The following FARP1 variants were observed in gnomAD, a reference collection of about 807,000 sequenced individuals.
FARP1 encodes FERM, ARH/RhoGEF and pleckstrin domain protein 1.
FARP1 carries 52 observed loss-of-function variants against 128.8 expected under a neutral mutation model. The ratio of observed to expected loss-of-function variants is 0.40; its 90% CI spans 0.32 to 0.51. The LOEUF (loss-of-function observed/expected upper bound fraction) is 0.51, where lower values mean the gene tolerates loss of function less well. FARP1 is among the 20% of genes least tolerant of loss of function. The pLI is 0.45. For missense variants in FARP1, 1,333 were observed against 1,367.9 expected (o/e 0.97, Z 0.40); for synonymous variants, 580 against 551.8 (o/e 1.05, Z -0.72).
intron 25 of FARP1, 56 bp from the exon 26 acceptor site, chr13:98,446,610 G>A (rs373700027): frequency 2.5e-5 from 39 of 1,584,074 alleles, no homozygotes; most frequent in Non-Finnish European, 3.4e-5. Flanking sequence ...CAGCAGCCAG[G>A]CCCAGCAGCA....
rs375110391 is a variant in FARP1, at chr13:98,233,727, A to G, written c.171+20314A>G. The G allele has an allele frequency of 7.9e-5, 12 of 152,286 alleles. No individual in the cohort carries two copies. The East Asian group carries it at 9.7e-4, about 12-fold the overall frequency. 9.4% of individuals were successfully genotyped at this position (152,286 alleles called of 1,614,324 possible). A position where few individuals can be genotyped will look rare whatever the true frequency, so the allele number is the denominator to read the frequency against. ...CTAAGGAGCATTTTCACTTCCTTTC[A>G]AACTTAAAAAATTGTGGTCCAAGGA... On this transcript the variant is annotated intron_variant, in intron 2 of 26. Transcript: ENST00000319562.
At chr13:98,286,161 G>A (rs1412709823) in intron 2 of FARP1, among the ~76,000 whole-genome samples, 1 of 151,994 alleles carries the variant, frequency 6.6e-6, no homozygotes, top group African/African-American at 2.4e-5. Context: ...GGTTTCTCCT[G>A]CCCACTCGTC....
chr13:98,203,024 T>C (rs1451238662), intron 1 of FARP1, among the ~76,000 whole-genome samples: 1 of 152,184 alleles, frequency 6.6e-6, no homozygotes, highest in African/African-American at 2.4e-5. Context: ...CTGGCCCAAA[T>C]TACTTCTTAA....
At chr13:98,290,127 A>G (rs1246156869) in intron 2 of FARP1, among the ~76,000 whole-genome samples, 1 of 150,208 alleles carries the variant, frequency 6.7e-6, no homozygotes, top group Non-Finnish European at 1.5e-5. Flanking sequence ...CGTCATCCCC[A>G]AGCCTTACTT....
At chr13:98,365,481 CCAGA>C (rs780852150) in intron 4 of FARP1, 44 bp downstream of exon 4, 68 of 1,411,528 alleles carry the variant, frequency 4.8e-5, no homozygotes, top group Non-Finnish European at 6.3e-5. Flanking sequence ...AAATCTGAAG[CCAGA>C]CAGTTTCATG....
intron 1 of FARP1, among the ~76,000 whole-genome samples, chr13:98,172,374 CACTGA>C (rs1450651724): frequency 6.6e-6 from 1 of 151,876 alleles, no homozygotes; most frequent in Non-Finnish European, 1.5e-5. Context: ...CCGGCAGTGC[CACTGA>C]GCAGTTATGT....
rs544897673 is a variant in FARP1, at chr13:98,430,649, T to C, written c.1906-394T>C. 3.3e-5 allele frequency among the ~76,000 whole-genome samples: 5 copies of C among 152,360 alleles called. No individual in the cohort carries two copies. The South Asian group carries it at 1.0e-3, about 32-fold the overall frequency. Reference sequence around the variant, plus strand: ...GGTTTTAAAACGATGTAATGCTCACTGACGGCCCCTGGGCTGTTTGTTATC... The same window carrying C: ...GGTTTTAAAACGATGTAATGCTCACCGACGGCCCCTGGGCTGTTTGTTATC... On this transcript the variant is annotated intron_variant, in intron 17 of 26. Coordinates refer to ENST00000319562, the MANE Select transcript of FARP1 (RefSeq NM_005766.4).
At chr13:98,284,542 A>G (rs1481323698) in intron 2 of FARP1, among the ~76,000 whole-genome samples, 1 of 152,222 alleles carries the variant, frequency 6.6e-6, no homozygotes, top group East Asian at 1.9e-4. Context: ...TATTTGGGAA[A>G]AAAAATAGCA....
chr13:98,148,212 C>A (rs1875718258), intron 1 of FARP1, among the ~76,000 whole-genome samples: 1 of 152,156 alleles, frequency 6.6e-6, no homozygotes. Context: ...AACCCCGTCT[C>A]TACTAAAAAT....
chr13:98,338,563 C>T, intron 2 of FARP1: 1 of 152,196 alleles, frequency 6.6e-6, no homozygotes. Flanking sequence ...TCCATTCATT[C>T]AGCAGTGGAC....
chr13:98,360,924 C>T (rs1455394871), intron 3 of FARP1, among the ~76,000 whole-genome samples: 4 of 152,020 alleles, frequency 2.6e-5, no homozygotes, highest in African/African-American at 9.7e-5. Flanking sequence ...CAAATGTGAC[C>T]CTCTAGAGAA....
At chr13:98,360,883 G>T (rs1163154140) in intron 3 of FARP1, among the ~76,000 whole-genome samples, 4 of 152,156 alleles carry the variant, frequency 2.6e-5, no homozygotes, top group Admixed American at 1.3e-4. Flanking sequence ...TTGGTTGAAG[G>T]GGTAGGAGTT....
At chr13:98,364,736 C>CT (rs1250370274) in intron 3 of FARP1, among the ~76,000 whole-genome samples, 3 of 152,296 alleles carry the variant, frequency 2.0e-5, no homozygotes, top group East Asian at 3.9e-4. Context: ...GAAAAGTTCG[C>CT]TATCCAGACT....
At chr13:98,356,742 G>A in intron 3 of FARP1, among the ~76,000 whole-genome samples, 1 of 151,908 alleles carries the variant, frequency 6.6e-6, no homozygotes, top group Non-Finnish European at 1.5e-5. Flanking sequence ...AGGTTCCAGT[G>A]ATTCTCCTGC....
Position 98,366,397 on chromosome 13 carries a change from G to T in FARP1, c.319+960G>T, listed in dbSNP as rs1889085764. ...ATGAAATGGCCATCATTTAATATTT[G>T]CTGGGTGTCCTGAGCATGGCTGGCA... On this transcript the variant is annotated intron_variant, in intron 4 of 26. Transcript: ENST00000319562. Among the ~76,000 whole-genome samples the T allele has an allele frequency of 4.6e-5, 7 of 152,296 alleles. No individual in the cohort carries two copies. The South Asian group carries it at 1.5e-3, about 32-fold the overall frequency.
At chr13:98,320,658 GT>G (rs1428850653) in intron 2 of FARP1, among the ~76,000 whole-genome samples, 1 of 152,188 alleles carries the variant, frequency 6.6e-6, no homozygotes, top group Admixed American at 6.5e-5. Flanking sequence ...AATTTAAATT[GT>G]AAACAAAACT....
At position 98,425,711 on chromosome 13, in the gene FARP1, C is replaced by T. The variant is rs539152109; in HGVS notation, c.1905+1061C>T. 1.3e-3 allele frequency among the ~76,000 whole-genome samples: 204 copies of T among 152,168 alleles called. 1 individual carries two copies. The highest frequency in any genetic ancestry group is 4.7e-3 in the African/African-American group (194 of 41,528). On this transcript the variant is annotated intron_variant, in intron 17 of 26. Coordinates refer to ENST00000319562, the MANE Select transcript of FARP1 (RefSeq NM_005766.4). ...TGGTCGCAAATATGTTTTTAATCAT[C>T]CAGCAATATCTACAATCAATGACAT...
At chr13:98,386,190 T>TTTTC (rs57998095) in intron 8 of FARP1, among the ~76,000 whole-genome samples, 18 of 92,486 alleles carry the variant, frequency 1.9e-4, no homozygotes, top group South Asian at 1.0e-3. Context: ...TGTGATCCTT[T>TTTTC]TTTTTTTTTT....
chr13:98,397,919 A>AAAAAAAGAAAG lies in FARP1; in HGVS notation c.1414+2443_1414+2444insAAAAAAGAAAG, dbSNP rs61501785. 9.5e-4 allele frequency: 118 copies of AAAAAAAGAAAG among 124,238 alleles called. 3 individuals are homozygous for AAAAAAAGAAAG. The highest frequency in any genetic ancestry group is 1.3e-3 in the Non-Finnish European group (76 of 59,654). The allele number at this position is 124,238 out of a possible 1,614,324, so 7.7% of individuals were successfully genotyped here. On this transcript the variant is annotated intron_variant, in intron 13 of 26. Transcript: ENST00000319562. The stretch of plus-strand genomic sequence containing the variant: ...TTTTTTGAAAAAAAAAAAAAAAAAA[A>AAAAAAAGAAAG]GATAAATTGTAGAATAAAATTTTTA...
Sources: gnomAD v4.1 joint callset for allele counts (sites outside exome capture counted in the v4.1 genomes callset) on GRCh38, gnomAD v4.1.1 for gene constraint, MANE v1.5 for transcripts, NCBI Gene and HGNC (gene_info 2026-07-23, HGNC 2026-07-21) for gene names.